The following CADPS variants were observed in gnomAD, a reference collection of about 807,000 sequenced individuals.
CADPS encodes the protein calcium-dependent secretion activator 1.
Under a neutral mutation model 167.3 loss-of-function variants are expected in CADPS, and 57 were observed. That is an observed-to-expected ratio of 0.34 (90% CI 0.28 to 0.42). CADPS has a LOEUF of 0.42. CADPS is among the 20% of genes least tolerant of loss of function. The probability of loss-of-function intolerance (pLI) is 1.00; values close to 1 mark genes in which losing one functional copy is unlikely to be tolerated. For synonymous variants in CADPS, 676 were observed against 635.3 expected, an observed-to-expected ratio of 1.06 and a Z score of -0.96; for missense variants, 1,414 against 1,738.1, an observed-to-expected ratio of 0.81 and a Z score of 3.32.
intron 1 of CADPS, among the ~76,000 whole-genome samples, chr3:62,784,118 T>A (rs304204): frequency 1.3e-5 from 2 of 152,006 alleles, no homozygotes; most frequent in Non-Finnish European, 2.9e-5. Context: ...CAAAGACTGC[T>A]GGGATTCTAT....
Position 62,851,983 on chromosome 3 carries a change from CTT to C in CADPS, c.441+22604_441+22605del, listed in dbSNP as rs776765188. On this transcript the variant is annotated intron_variant, in intron 1 of 29. Transcript: ENST00000383710. ...GAGGCTTTGCTCATTTCTTTTTATT[CTT>C]TTTTCTCTAAACTTCCCTTCTCGCT... Among the ~76,000 whole-genome samples the C allele has an allele frequency of 2.0e-3, 304 of 149,904 alleles. 1 individual carries two copies. Among genetic ancestry groups the C allele is most frequent in the Admixed American group, 4.7e-3 (71 of 15,030 alleles).
At chr3:62,532,747 G>T (rs1002739541) in intron 13 of CADPS, 124 bp downstream of exon 13, 2 of 613,148 alleles carry the variant, frequency 3.3e-6, no homozygotes, top group Non-Finnish European at 5.8e-6. Context: ...GTGTGTGTGT[G>T]TGTACGTGTG....
intron 3 of CADPS, among the ~76,000 whole-genome samples, chr3:62,745,768 C>T (rs2081319805): frequency 6.6e-6 from 1 of 152,164 alleles, no homozygotes; most frequent in Admixed American, 6.5e-5. Flanking sequence ...GCCATAACTG[C>T]CTTGGACTCT....
intron 3 of CADPS, among the ~76,000 whole-genome samples, chr3:62,702,830 T>C (rs541059087): frequency 2.6e-5 from 4 of 152,146 alleles, no homozygotes; most frequent in African/African-American, 4.8e-5. Context: ...GGGGCTACCA[T>C]GTTGGACAGC....
intron 3 of CADPS, among the ~76,000 whole-genome samples, chr3:62,689,209 T>A (rs953305321): frequency 6.6e-6 from 1 of 152,040 alleles, no homozygotes; most frequent in African/African-American, 2.4e-5. Context: ...ACAATTAATT[T>A]TTCCATGCTG....
At chr3:62,613,942 C>A (rs764682167) in intron 6 of CADPS, among the ~76,000 whole-genome samples, 1 of 152,112 alleles carries the variant, frequency 6.6e-6, no homozygotes, top group Non-Finnish European at 1.5e-5. Context: ...TTTCCCTACT[C>A]CCCTCTGTGC....
chr3:62,763,382 A>G (rs1017639541), intron 2 of CADPS, among the ~76,000 whole-genome samples: 1 of 152,200 alleles, frequency 6.6e-6, no homozygotes, highest in African/African-American at 2.4e-5. Context: ...AGTACAGTCG[A>G]GAGGTGGGGG....
intron 17 of CADPS, chr3:62,500,001 G>A (rs2065468305): frequency 6.6e-6 from 1 of 152,194 alleles, no homozygotes; most frequent in Non-Finnish European, 1.5e-5. Flanking sequence ...CCCAGCTCAA[G>A]AAGAATCTGA....
At chr3:62,484,208 C>G (rs989422552) in intron 21 of CADPS, among the ~76,000 whole-genome samples, 8 of 151,848 alleles carry the variant, frequency 5.3e-5, no homozygotes, top group African/African-American at 1.9e-4. Context: ...AAGGATGAAA[C>G]ATGCTTGATA....
chr3:62,694,130 G>C (rs533059073), intron 3 of CADPS, among the ~76,000 whole-genome samples: 1 of 152,176 alleles, frequency 6.6e-6, no homozygotes, highest in African/African-American at 2.4e-5. Context: ...CTCTCACGAA[G>C]GCTGGCCTAG....
chr3:62,454,991 T>C (rs1476261000), intron 26 of CADPS, among the ~76,000 whole-genome samples: 2 of 152,058 alleles, frequency 1.3e-5, no homozygotes, highest in African/African-American at 4.8e-5. Context: ...ATGATCTCTA[T>C]TAAGCAAACG....
chr3:62,480,019 C>T (rs1229859129), intron 22 of CADPS, among the ~76,000 whole-genome samples: 1 of 151,796 alleles, frequency 6.6e-6, no homozygotes, highest in Non-Finnish European at 1.5e-5. Context: ...AACATTTTGA[C>T]ACCCATCTGG....
intron 2 of CADPS, among the ~76,000 whole-genome samples, chr3:62,758,611 C>T (rs1243863973): frequency 6.6e-6 from 1 of 152,156 alleles, no homozygotes; most frequent in Non-Finnish European, 1.5e-5. Context: ...TATTTTGTAT[C>T]CGTGTTTGTT....
intron 6 of CADPS, among the ~76,000 whole-genome samples, chr3:62,615,442 A>C (rs1194371396): frequency 3.3e-5 from 5 of 152,192 alleles, no homozygotes; most frequent in Non-Finnish European, 5.9e-5. Flanking sequence ...CTTACTCTGA[A>C]TCAGCGACTG....
rs532586848 is a variant in CADPS, at chr3:62,430,471, G to A, written c.3777+7633C>T. Among the ~76,000 whole-genome samples, 9 of 152,220 alleles carry A rather than the reference G, an allele frequency of 5.9e-5. No homozygotes were observed. The South Asian group carries it at 1.9e-3, about 32-fold the overall frequency. On this transcript the variant is annotated intron_variant, in intron 28 of 29. Transcript: ENST00000383710. The stretch of plus-strand genomic sequence containing the variant: ...GGATGGTGGGAGTTAGAGAAAGCAT[G>A]AAGACACTGGGAATTCGAGTGGCCC...
At chr3:62,587,243 G>A (rs536018385) in intron 7 of CADPS, among the ~76,000 whole-genome samples, 2 of 152,322 alleles carry the variant, frequency 1.3e-5, no homozygotes, top group African/African-American at 2.4e-5. Flanking sequence ...TAAAGCTCCA[G>A]CATAAAATGT....
rs888958019 is a variant in CADPS at position 62,458,179 on chromosome 3, C to G, written c.3636+7188G>C. On this transcript the variant is annotated intron_variant, in intron 26 of 29. Transcript: ENST00000383710. This position sits in a 1 kb window ranked among gnomAD's most constrained non-coding sequence, Gnocchi z 4.6. ...GCTAAGAATGGCTATTTATGGAGCA[C>G]CTACTAACTATATACCAGGTGTTAT... Among the ~76,000 whole-genome samples, 3 of 152,264 alleles carry G rather than the reference C, an allele frequency of 2.0e-5. No individual in the cohort carries two copies. The highest frequency in any genetic ancestry group is 2.1e-4 in the South Asian group (1 of 4,822).
At chr3:62,745,484 G>C (rs60263303) in intron 3 of CADPS, among the ~76,000 whole-genome samples, 1 of 152,166 alleles carries the variant, frequency 6.6e-6, no homozygotes, top group Non-Finnish European at 1.5e-5. Flanking sequence ...ATGACTTCTA[G>C]GGGCAGTGTA....
chr3:62,662,333 A>G lies in CADPS; in HGVS notation c.950T>C (p.Met317Thr). The change falls in exon 4 of 30, where the codon ATG (methionine) becomes ACG (threonine). Residue 317 changes from methionine (M) to threonine (T), a missense_variant. By Grantham distance (81) the Met-to-Thr change is moderately conservative (BLOSUM62 -1). Transcript: ENST00000383710. Reference sequence around the variant, plus strand: ...CCTTACCCTGGCTATTTGGTCTGCCATTTGTAGACGTCCATCCAGCTCTCG... The same window carrying G: ...CCTTACCCTGGCTATTTGGTCTGCCGTTTGTAGACGTCCATCCAGCTCTCG... ...IRRELDGRLQ[M>T]ADQIARERKF... The G allele has an allele frequency of 6.2e-7, 1 of 1,613,952 alleles. No homozygotes were observed. The highest frequency in any genetic ancestry group is 2.2e-5 in the East Asian group (1 of 44,856).
Sources: gnomAD v4.1 joint callset for allele counts (sites outside exome capture counted in the v4.1 genomes callset) on GRCh38, gnomAD v4.1.1 for gene constraint, Gnocchi (gnomAD v3.1) non-coding constraint, MANE v1.5 for transcripts, NCBI Gene and HGNC (gene_info 2026-07-23, HGNC 2026-07-21) for gene names.